Variants in EMB observed in about 807,000 individuals in gnomAD.
EMB encodes embigin homolog.
Under a neutral mutation model 41.4 loss-of-function variants are expected in EMB, and 31 were observed. The ratio of observed to expected loss-of-function variants is 0.75; its 90% CI spans 0.56 to 1.01. The LOEUF is 1.01. Ranked by LOEUF, EMB falls within the 50% of genes least tolerant of loss-of-function variation. The pLI is 0.00. For missense variants in EMB, 379 were observed against 388.3 expected (o/e 0.98, Z 0.20); for synonymous variants, 137 against 140.4 (o/e 0.98, Z 0.17).
At chr5:50,417,584 T>A (rs1745450430) in intron 2 of EMB, among the ~76,000 whole-genome samples, 1 of 152,312 alleles carries the variant, frequency 6.6e-6, no homozygotes, top group East Asian at 1.9e-4. Flanking sequence ...AAATCACCAA[T>A]GTGCACAGAG....
chr5:50,400,536 C>T (rs1745144638), intron 7 of EMB, among the ~76,000 whole-genome samples: 1 of 151,916 alleles, frequency 6.6e-6, no homozygotes, highest in South Asian at 2.1e-4. Flanking sequence ...CCCACGAGTG[C>T]TTGTTTTTCT....
intron 1 of EMB, chr5:50,428,542 AC>A (rs1745660744): frequency 9.9e-7 from 1 of 1,010,500 alleles, no homozygotes; most frequent in Non-Finnish European, 1.2e-6. Flanking sequence ...AACTGAAGAT[AC>A]CAAGGAATCA....
chr5:50,434,142 A>G (rs180689451), intron 1 of EMB, among the ~76,000 whole-genome samples: 3 of 152,214 alleles, frequency 2.0e-5, no homozygotes, highest in Non-Finnish European at 2.9e-5. Context: ...TCAGGGATTA[A>G]ACATATCTTT....
chr5:50,431,263 C>A (rs1197923464), intron 1 of EMB, among the ~76,000 whole-genome samples: 1 of 152,178 alleles, frequency 6.6e-6, no homozygotes, highest in Non-Finnish European at 1.5e-5. Flanking sequence ...AAAAGCAGGG[C>A]AACCTACAGA....
At chr5:50,426,546 T>C (rs1306748477) in intron 2 of EMB, among the ~76,000 whole-genome samples, 1 of 152,212 alleles carries the variant, frequency 6.6e-6, no homozygotes, top group Non-Finnish European at 1.5e-5. Flanking sequence ...AAAATCTTTC[T>C]GGTCCAAAAT....
At chr5:50,434,582 T>C (rs566468579) in intron 1 of EMB, among the ~76,000 whole-genome samples, 32 of 152,326 alleles carry the variant, frequency 2.1e-4, no homozygotes, top group South Asian at 2.1e-3. Flanking sequence ...CACTTTGGGC[T>C]TCAAGATCAA....
At chr5:50,429,984 C>T (rs796479105) in intron 1 of EMB, among the ~76,000 whole-genome samples, 1 of 97,744 alleles carries the variant, frequency 1.0e-5, no homozygotes, top group South Asian at 3.5e-4. Context: ...CTCTCTCTCT[C>T]TCTCTCTCTC....
chr5:50,403,677 A>G (rs1024753639), intron 5 of EMB, among the ~76,000 whole-genome samples: 1 of 151,938 alleles, frequency 6.6e-6, no homozygotes, highest in Non-Finnish European at 1.5e-5. Flanking sequence ...ATAAGGATTT[A>G]GCAGTGAATG....
At position 50,399,573 on chromosome 5, in the gene EMB, A is replaced by C. The variant is rs181263711; in HGVS notation, c.967-283T>G. 1.6e-3 allele frequency among the ~76,000 whole-genome samples: 246 copies of C among 152,182 alleles called. No homozygotes were observed. Among genetic ancestry groups the C allele is most frequent in the Middle Eastern group, 0.014 (4 of 294 alleles). ...TTTAGAGGAAAACAAATAAAGCTACATGAAAAATTGTAAAAGAAACTAGTC... is the reference window on the plus strand; with the variant it reads ...TTTAGAGGAAAACAAATAAAGCTACCTGAAAAATTGTAAAAGAAACTAGTC... On this transcript the variant is annotated intron_variant, in intron 8 of 8. Coordinates refer to ENST00000303221, the MANE Select transcript of EMB (RefSeq NM_198449.3).
chr5:50,414,050 G>C (rs1483465479), intron 2 of EMB, among the ~76,000 whole-genome samples: 1 of 152,140 alleles, frequency 6.6e-6, no homozygotes, highest in Non-Finnish European at 1.5e-5. Context: ...AAGCAAGAAA[G>C]TGACTGCATA....
intron 7 of EMB, among the ~76,000 whole-genome samples, chr5:50,401,253 A>G (rs2111764340): frequency 6.6e-6 from 1 of 152,112 alleles, no homozygotes; most frequent in South Asian, 2.1e-4. Flanking sequence ...TTGGAAGCTC[A>G]TATCATATTG....
intron 1 of EMB, chr5:50,428,750 GC>G (rs1745665020): frequency 1.0e-6 from 1 of 985,122 alleles, no homozygotes; most frequent in Admixed American, 6.2e-5. Flanking sequence ...CAAGAGGCAT[GC>G]CCTCTAACAC....
chr5:50,416,085 T>C lies in EMB; in HGVS notation c.197-4702A>G, dbSNP rs184478058. On this transcript the variant is annotated intron_variant, in intron 2 of 8. Coordinates refer to ENST00000303221, the MANE Select transcript of EMB (RefSeq NM_198449.3). ...TTTGCTGTGCTTCTGCAGTTTGCTT[T>C]CCTTCCTGTCAAGAAATCACAGCAT... Among the ~76,000 whole-genome samples, 26 of 152,332 alleles carry C rather than the reference T, an allele frequency of 1.7e-4. No individual in the cohort carries two copies. In the East Asian group the frequency reaches 5.0e-3, roughly 29 times the overall value.
chr5:50,420,180 T>TA (rs1745495340), intron 2 of EMB, among the ~76,000 whole-genome samples: 1 of 151,992 alleles, frequency 6.6e-6, no homozygotes, highest in Admixed American at 6.6e-5. Context: ...CCCCAGAATT[T>TA]AAAAAATAAA....
upstream of EMB, among the ~76,000 whole-genome samples, chr5:50,442,235 G>T (rs1579750609): frequency 6.6e-6 from 1 of 151,830 alleles, no homozygotes; most frequent in African/African-American, 2.4e-5. Context: ...AATAACATGA[G>T]ACAAATTTTG....
intron 2 of EMB, among the ~76,000 whole-genome samples, chr5:50,427,503 TTATTA>T (rs1234738783): frequency 6.6e-6 from 1 of 150,508 alleles, no homozygotes; most frequent in Non-Finnish European, 1.5e-5. Flanking sequence ...ATTATTATTA[TTATTA>T]TATTATTATT....
intron 1 of EMB, 82 bp downstream of exon 1, chr5:50,440,958 G>A: frequency 3.9e-6 from 4 of 1,013,276 alleles, no homozygotes; most frequent in Non-Finnish European, 3.9e-6. Context: ...TGCCCGGCGC[G>A]CCGGCGATGC....
At chr5:50,435,364 A>G (rs912583037) in intron 1 of EMB, among the ~76,000 whole-genome samples, 2 of 152,166 alleles carry the variant, frequency 1.3e-5, no homozygotes, top group African/African-American at 4.8e-5. Flanking sequence ...AAGTTTCAAA[A>G]AAAAGTCCCT....
At chr5:50,415,261 C>T (rs1229737553) in intron 2 of EMB, among the ~76,000 whole-genome samples, 1 of 152,060 alleles carries the variant, frequency 6.6e-6, no homozygotes, top group Non-Finnish European at 1.5e-5. Flanking sequence ...TTCTCTTGGC[C>T]AGCTTCTCTT....
Sources: allele counts gnomAD v4.1 joint callset (sites outside exome capture counted in the v4.1 genomes callset), GRCh38; gene constraint gnomAD v4.1.1; transcripts MANE v1.5; gene names NCBI Gene and HGNC (gene_info 2026-07-23, HGNC 2026-07-21).